HSD17B12: variants seen among roughly 807,000 people sequenced by gnomAD.
The protein encoded by HSD17B12 is hydroxysteroid 17-beta dehydrogenase 12.
In HSD17B12, 32 loss-of-function variants were observed where a neutral mutation model predicts 39.3. The ratio of observed to expected loss-of-function variants is 0.81; its 90% CI spans 0.61 to 1.09. The LOEUF (loss-of-function observed/expected upper bound fraction) is 1.09. HSD17B12 is among the 50% of genes least tolerant of loss of function. HSD17B12 has a pLI of 0.00. For missense variants in HSD17B12, 342 were observed against 382.9 expected (o/e 0.89, Z 0.89); for synonymous variants, 150 against 146.7 (o/e 1.02, Z -0.16).
At chr11:43,744,606 A>T (rs1349746404) in intron 1 of HSD17B12, among the ~76,000 whole-genome samples, 1 of 152,194 alleles carries the variant, frequency 6.6e-6, no homozygotes, top group African/African-American at 2.4e-5. Flanking sequence ...ATGATGACTA[A>T]ATGTGGTATA....
chr11:43,664,648 A>C, the HSD17B12 span, among the ~76,000 whole-genome samples: 8 of 152,322 alleles, frequency 5.3e-5, no homozygotes, highest in East Asian at 1.5e-3. Flanking sequence ...TTACTTCTCA[A>C]GACTAGCTAG....
chr11:43,707,494 G>T (rs1214413131), intron 1 of HSD17B12, among the ~76,000 whole-genome samples: 8 of 152,096 alleles, frequency 5.3e-5, no homozygotes, highest in Non-Finnish European at 1.2e-4. Context: ...CACAAACTTT[G>T]TACTAATTTA....
chr11:43,591,323 A>G, the HSD17B12 span, among the ~76,000 whole-genome samples: 2 of 152,158 alleles, frequency 1.3e-5, no homozygotes, highest in Admixed American at 1.3e-4. Flanking sequence ...AGATATTTGC[A>G]GGCTTGTAAA....
At chr11:43,577,593 G>A in the HSD17B12 span, among the ~76,000 whole-genome samples, 5 of 152,078 alleles carry the variant, frequency 3.3e-5, no homozygotes, top group Non-Finnish European at 5.9e-5. Flanking sequence ...TCGGACCCTC[G>A]TCCCCTCCCA....
At chr11:43,684,567 T>C (rs1949780402) in intron 1 of HSD17B12, among the ~76,000 whole-genome samples, 1 of 152,248 alleles carries the variant, frequency 6.6e-6, no homozygotes, top group Non-Finnish European at 1.5e-5. Flanking sequence ...AGATATTTTA[T>C]AACTTTAAAC....
chr11:43,634,075 C>CAAAAAAAAAAAAAAAAAAAAAAAAAA, the HSD17B12 span, among the ~76,000 whole-genome samples: 4 of 37,566 alleles, frequency 1.1e-4, no homozygotes, highest in Admixed American at 4.1e-4. Flanking sequence ...AACTCCATCT[C>CAAAAAAAAAAAAAAAAAAAAAAAAAA]AAAAAAAAAA....
At chr11:43,589,851 G>A in the HSD17B12 span, among the ~76,000 whole-genome samples, 51 of 152,276 alleles carry the variant, frequency 3.3e-4, no homozygotes, top group Non-Finnish European at 6.5e-4. Flanking sequence ...GCATGCCCTT[G>A]AGCAAGTTAT....
intron 3 of HSD17B12, among the ~76,000 whole-genome samples, chr11:43,760,843 A>G (rs1590276988): frequency 6.6e-6 from 1 of 152,204 alleles, no homozygotes; most frequent in African/African-American, 2.4e-5. Flanking sequence ...TTAATCTCAT[A>G]TAGCCCCATG....
the HSD17B12 span, among the ~76,000 whole-genome samples, chr11:43,566,822 C>A: frequency 6.6e-6 from 1 of 152,198 alleles, no homozygotes; most frequent in African/African-American, 2.4e-5. Context: ...GCCACCACGC[C>A]CAGCCCCCAG....
At chr11:43,706,364 T>C (rs1478705914) in intron 1 of HSD17B12, among the ~76,000 whole-genome samples, 2 of 152,058 alleles carry the variant, frequency 1.3e-5, no homozygotes, top group African/African-American at 4.8e-5. Context: ...GCCAAGATAG[T>C]GAAACCCCGT....
intron 9 of HSD17B12, among the ~76,000 whole-genome samples, chr11:43,846,479 C>A (rs1169529904): frequency 6.6e-6 from 1 of 152,166 alleles, no homozygotes; most frequent in Non-Finnish European, 1.5e-5. Context: ...GCCTGGCCAA[C>A]ATGGCGAAAT....
At chr11:43,596,107 T>C in the HSD17B12 span, among the ~76,000 whole-genome samples, 1 of 152,146 alleles carries the variant, frequency 6.6e-6, no homozygotes, top group African/African-American at 2.4e-5. Context: ...GCCAGGCTGG[T>C]CTGAAACTCC....
At chr11:43,635,511 T>G in the HSD17B12 span, among the ~76,000 whole-genome samples, 5 of 152,222 alleles carry the variant, frequency 3.3e-5, no homozygotes, top group African/African-American at 1.2e-4. Flanking sequence ...TATTTACATA[T>G]TACATCTTAT....
chr11:43,612,515 A>G, the HSD17B12 span, among the ~76,000 whole-genome samples: 5 of 152,206 alleles, frequency 3.3e-5, no homozygotes, highest in Non-Finnish European at 7.3e-5. Flanking sequence ...TGACAATGGT[A>G]TAATGAGTGT....
chr11:43,794,951 C>G (rs1035947448), intron 3 of HSD17B12, among the ~76,000 whole-genome samples: 1 of 152,112 alleles, frequency 6.6e-6, no homozygotes, highest in Non-Finnish European at 1.5e-5. Flanking sequence ...AAGTACTACT[C>G]CAAAAACTTT....
At chr11:43,746,703 C>A (rs1015292057) in intron 1 of HSD17B12, among the ~76,000 whole-genome samples, 1 of 152,078 alleles carries the variant, frequency 6.6e-6, no homozygotes, top group Non-Finnish European at 1.5e-5. Flanking sequence ...CATTATCGAG[C>A]ACTATATGTT....
At chr11:43,642,441 C>A in the HSD17B12 span, among the ~76,000 whole-genome samples, 1 of 151,246 alleles carries the variant, frequency 6.6e-6, no homozygotes, top group African/African-American at 2.4e-5. Flanking sequence ...ATATTTTGAA[C>A]CGTTAAAAGA....
chr11:43,609,406 T>C, the HSD17B12 span, among the ~76,000 whole-genome samples: 1 of 151,302 alleles, frequency 6.6e-6, no homozygotes, highest in Admixed American at 6.6e-5. Context: ...AACTCTGTTG[T>C]CCAGGCTGGA....
chr11:43,821,454 T>C (rs1951182236), intron 6 of HSD17B12, among the ~76,000 whole-genome samples: 1 of 152,236 alleles, frequency 6.6e-6, no homozygotes, highest in African/African-American at 2.4e-5. Flanking sequence ...GCAGATGCTC[T>C]GTGACTAAAA....
Sources: allele counts gnomAD v4.1 joint callset (sites outside exome capture counted in the v4.1 genomes callset), GRCh38; gene constraint gnomAD v4.1.1; transcripts MANE v1.5; gene names NCBI Gene and HGNC (gene_info 2026-07-23, HGNC 2026-07-21).